Variants in LIMCH1 observed in about 807,000 individuals in gnomAD.
The protein encoded by LIMCH1 is LIM and calponin homology domains 1.
A neutral mutation model predicts 176.5 loss-of-function variants in LIMCH1; 113 were observed. The ratio of observed to expected loss-of-function variants is 0.64; its 90% CI spans 0.55 to 0.75. The LOEUF (loss-of-function observed/expected upper bound fraction) is 0.75, where lower values mean the gene tolerates loss of function less well. LIMCH1 is among the 30% of genes least tolerant of loss of function. The probability of loss-of-function intolerance (pLI) is 0.00; values close to 1 mark genes in which losing one functional copy is unlikely to be tolerated. For missense variants in LIMCH1, 1,674 were observed against 1,814.9 expected, an observed-to-expected ratio of 0.92 and a Z score of 1.41; for synonymous variants, 619 against 645.9, an observed-to-expected ratio of 0.96 and a Z score of 0.63.
At chr4:41,371,380 C>T (rs1388836307) in intron 1 of LIMCH1, among the ~76,000 whole-genome samples, 2 of 152,158 alleles carry the variant, frequency 1.3e-5, no homozygotes, top group African/African-American at 4.8e-5. Context: ...AAAATCATTA[C>T]AGGAGCCCAA....
rs957206438 is a variant in LIMCH1, at chr4:41,680,205, C to T, written c.3612+107C>T. On this transcript the variant is annotated intron_variant, in intron 24 of 31. Coordinates refer to ENST00000503057, the MANE Select transcript of LIMCH1 (RefSeq NM_001330672.2). ...CGGATGCATGTGGCTGTGTCTGACT[C>T]TTTACTGACAGCAGAATCCCATCAA... 6.8e-6 allele frequency: 5 copies of T among 733,034 alleles called. No individual in the cohort carries two copies. The Admixed American group carries it at 1.1e-4, about 17-fold the overall frequency. 45.4% of individuals were successfully genotyped at this position (733,034 alleles called of 1,614,324 possible). A position where few individuals can be genotyped will look rare whatever the true frequency, so the allele number is the denominator to read the frequency against.
At chr4:41,609,618 G>A (rs1466585837) in intron 4 of LIMCH1, 2 of 455,788 alleles carry the variant, frequency 4.4e-6, no homozygotes, top group South Asian at 3.1e-5. Flanking sequence ...AGTCCTAGCT[G>A]GTTCTTGTTA....
In LIMCH1 at chr4:41,646,503, G is replaced by A; in HGVS notation, c.2430G>A (p.Glu810=). The A allele has an allele frequency of 6.2e-7, 1 of 1,613,498 alleles. No individual in the cohort carries two copies. Among genetic ancestry groups the A allele is most frequent in the Non-Finnish European group, 8.5e-7 (1 of 1,179,516 alleles). The part of the protein sequence containing the change: ...IVQEKERRER[E]LHEAYKNARS... ...CCTTTAGAGAGCGGAGAGAGAGAGA[G>A]CTGCATGAAGCATATAAGAACGCTC... Residue 810 remains glutamate (E), a synonymous_variant, in exon 17 of 32, where the codon GAG becomes GAA. Transcript: ENST00000503057.
intron 13 of LIMCH1, among the ~76,000 whole-genome samples, chr4:41,635,255 A>G (rs956884328): frequency 6.8e-5 from 10 of 147,932 alleles, no homozygotes; most frequent in Non-Finnish European, 1.2e-4. Context: ...TTTTTTTGAG[A>G]TGGAGTCTTG....
chr4:41,651,122 T>C (rs1488695837), intron 18 of LIMCH1, among the ~76,000 whole-genome samples: 1 of 152,144 alleles, frequency 6.6e-6, no homozygotes, highest in Non-Finnish European at 1.5e-5. Context: ...TTCTCCTGCC[T>C]CATCCTCCCA....
At chr4:41,619,575 C>A in intron 6 of LIMCH1, 135 bp downstream of exon 6, 2 of 1,177,322 alleles carry the variant, frequency 1.7e-6, no homozygotes, top group Non-Finnish European at 2.4e-6. Context: ...GTGGGTGGGA[C>A]AGATCTTTGG....
At chr4:41,497,427 GAATATTATTAT>G (rs781765975) in intron 2 of LIMCH1, among the ~76,000 whole-genome samples, 4 of 152,108 alleles carry the variant, frequency 2.6e-5, no homozygotes, top group African/African-American at 2.4e-5. Flanking sequence ...GGTCTCTAAG[GAATATTATTAT>G]ACCTATTTTA....
intron 1 of LIMCH1, among the ~76,000 whole-genome samples, chr4:41,403,618 T>A (rs1362917173): frequency 6.6e-6 from 1 of 152,160 alleles, no homozygotes; most frequent in African/African-American, 2.4e-5. Context: ...AAGAGACCCA[T>A]CAGTGTTTTG....
intron 21 of LIMCH1, among the ~76,000 whole-genome samples, chr4:41,667,389 A>G (rs2094863989): frequency 6.6e-6 from 1 of 151,274 alleles, no homozygotes; most frequent in African/African-American, 2.4e-5. Flanking sequence ...CATAAATTAC[A>G]TTCTCATATA....
chr4:41,637,458 G>A (rs1405942473), intron 13 of LIMCH1, among the ~76,000 whole-genome samples: 1 of 152,192 alleles, frequency 6.6e-6, no homozygotes, highest in African/African-American at 2.4e-5. Context: ...CCAAAGTGCT[G>A]GGATTACAAG....
intron 1 of LIMCH1, among the ~76,000 whole-genome samples, chr4:41,578,311 A>G (rs2084836471): frequency 6.6e-6 from 1 of 152,172 alleles, no homozygotes; most frequent in Non-Finnish European, 1.5e-5. Flanking sequence ...GAACTCTCTC[A>G]TTATCATGAG....
At chr4:41,398,914 A>G (rs79444676) in intron 1 of LIMCH1, among the ~76,000 whole-genome samples, 1 of 152,202 alleles carries the variant, frequency 6.6e-6, no homozygotes, top group South Asian at 2.1e-4. Flanking sequence ...CAAATGCCTA[A>G]CAGGAAGACA....
At chr4:41,566,966 A>C (rs1157171466) in intron 1 of LIMCH1, among the ~76,000 whole-genome samples, 1 of 152,320 alleles carries the variant, frequency 6.6e-6, no homozygotes, top group Admixed American at 6.5e-5. Flanking sequence ...CTTTGATCCC[A>C]ATCAGCAGTG....
chr4:41,494,156 A>AG (rs1300334000), intron 1 of LIMCH1, among the ~76,000 whole-genome samples: 1 of 152,112 alleles, frequency 6.6e-6, no homozygotes, highest in Non-Finnish European at 1.5e-5. Flanking sequence ...ATAGAAAAAA[A>AG]GGCTTCAAAG....
intron 18 of LIMCH1, 64 bp from the exon 19 acceptor site, chr4:41,661,356 A>G (rs1177597735): frequency 9.0e-6 from 11 of 1,228,044 alleles, no homozygotes; most frequent in Non-Finnish European, 1.3e-5. Context: ...TACTGCTTAA[A>G]AAATAATTTT....
intron 4 of LIMCH1, among the ~76,000 whole-genome samples, chr4:41,611,290 AT>A (rs1450081176): frequency 1.3e-5 from 2 of 152,242 alleles, no homozygotes; most frequent in Non-Finnish European, 2.9e-5. Flanking sequence ...AGGATTGGCC[AT>A]CTAGGTTTGT....
At chr4:41,545,685 A>G (rs996925216) in intron 1 of LIMCH1, among the ~76,000 whole-genome samples, 1 of 152,242 alleles carries the variant, frequency 6.6e-6, no homozygotes, top group East Asian at 1.9e-4. Context: ...TGGTTATTTA[A>G]TCAATAAATG....
intron 3 of LIMCH1, among the ~76,000 whole-genome samples, 184 bp from the exon 4 acceptor site, chr4:41,605,710 A>G (rs2090605008): frequency 6.6e-6 from 1 of 152,148 alleles, no homozygotes; most frequent in Non-Finnish European, 1.5e-5. Context: ...GTTGCCTGAC[A>G]TGGCATTGGG....
chr4:41,616,622 C>A (rs1310848486), intron 5 of LIMCH1, among the ~76,000 whole-genome samples: 6 of 152,012 alleles, frequency 3.9e-5, no homozygotes, highest in African/African-American at 9.7e-5. Context: ...GAGAAGCCAC[C>A]TTAGTAGATT....
Sources: gnomAD v4.1 joint callset for allele counts (sites outside exome capture counted in the v4.1 genomes callset) on GRCh38, gnomAD v4.1.1 for gene constraint, MANE v1.5 for transcripts, NCBI Gene and HGNC (gene_info 2026-07-23, HGNC 2026-07-21) for gene names.